NAPA: variants seen among roughly 807,000 people sequenced by gnomAD.
NAPA encodes alpha-soluble NSF attachment protein.
NAPA carries 18 observed loss-of-function variants against 48.0 expected under a neutral mutation model. That is an observed-to-expected ratio of 0.38 (90% CI 0.26 to 0.56). The LOEUF is 0.56. Among genes scored for constraint, NAPA ranks in the 20% least tolerant of loss-of-function variants. The pLI is 0.77. For synonymous variants in NAPA, 152 were observed against 149.9 expected (o/e 1.01, Z -0.10); for missense variants, 315 against 385.0 (o/e 0.82, Z 1.52).
intron 1 of NAPA, among the ~76,000 whole-genome samples, chr19:47,511,425 C>T (rs1419643307): frequency 4.6e-5 from 7 of 152,186 alleles, no homozygotes; most frequent in Non-Finnish European, 1.0e-4. Flanking sequence ...ACCAGGTCAG[C>T]TCCTCTGGGA....
downstream of NAPA, among the ~76,000 whole-genome samples, chr19:47,487,183 C>T (rs971372464): frequency 6.6e-5 from 10 of 152,192 alleles, 1 homozygote; most frequent in South Asian, 4.1e-4. Context: ...CCACCAAAGC[C>T]GCTTCCTCCC....
At chr19:47,514,286 C>T (rs916406706) in intron 1 of NAPA, among the ~76,000 whole-genome samples, 1 of 152,094 alleles carries the variant, frequency 6.6e-6, no homozygotes, top group Non-Finnish European at 1.5e-5. Flanking sequence ...GGTGTCAGCC[C>T]CCTTCAGCCT....
intron 10 of NAPA, chr19:47,489,445 G>C (rs1416814882): frequency 1.9e-6 from 1 of 534,948 alleles, no homozygotes; most frequent in Non-Finnish European, 3.4e-6. Flanking sequence ...ATGTGGCTCT[G>C]AACACCAGCT....
chr19:47,487,191 C>A (rs1968097008), downstream of NAPA, among the ~76,000 whole-genome samples: 1 of 152,200 alleles, frequency 6.6e-6, no homozygotes, highest in Non-Finnish European at 1.5e-5. Context: ...GCCGCTTCCT[C>A]CCCCGTCCTG....
intron 3 of NAPA, chr19:47,495,840 G>A (rs1293903226): frequency 2.2e-5 from 12 of 536,754 alleles, no homozygotes; most frequent in Non-Finnish European, 3.4e-5. Context: ...CATGCTTCTG[G>A]GGGAGCCCTT....
rs553713701 is a variant in NAPA at position 47,500,688 on chromosome 19, G to A, written c.240C>T (p.Asp80=). The change falls in exon 3 of 11, where the codon GAC becomes GAT. Residue 80 remains aspartate, a synonymous_variant. Transcript: ENST00000263354. ...CAGCGTCCACAAAGCAGGTGGCTGC[G>A]TCGTGCTTGCTCTGGAGCTGCAGGT... The part of the protein sequence containing the change: ...QLHLQLQSKH[D]AATCFVDAGN... The A allele has an allele frequency of 4.3e-6, 7 of 1,612,116 alleles. No homozygotes were observed. Among genetic ancestry groups the A allele is most frequent in the African/African-American group, 2.7e-5 (2 of 74,972 alleles).
rs753156453 is a variant in NAPA, at chr19:47,492,088, A to T, written c.593T>A (p.Leu198His). 1 of 1,614,078 alleles carries T rather than the reference A, an allele frequency of 6.2e-7. No homozygotes were observed. Among genetic ancestry groups the T allele is most frequent in the South Asian group, 1.1e-5 (1 of 91,086 alleles). The change falls in exon 8 of 11, where the codon CTC becomes CAC. Residue 198 changes from leucine to histidine, a missense_variant. Physicochemically the swap from Leu to His is moderately conservative, Grantham distance 99. Around this residue, in one of 3 missense-constraint regions of NAPA, gnomAD observed 137 missense variants for 150.1 expected, o/e 0.91. Transcript: ENST00000263354. ...VGTNAMDSPL[L>H]KYSAKDYFFK... The stretch of plus-strand genomic sequence containing the variant: ...GAAGTAGTCTTTGGCGCTGTACTTG[A>T]GGAGGGGGCTGTCCATGGCATTGGT...
downstream of NAPA, among the ~76,000 whole-genome samples, chr19:47,487,184 G>A (rs562457566): frequency 9.9e-5 from 15 of 152,130 alleles, no homozygotes; most frequent in Non-Finnish European, 2.1e-4. Flanking sequence ...CACCAAAGCC[G>A]CTTCCTCCCC....
chr19:47,487,003 C>T (rs182761815), downstream of NAPA, among the ~76,000 whole-genome samples: 80 of 152,342 alleles, frequency 5.3e-4, 1 homozygote, highest in Admixed American at 7.8e-4. Context: ...TCCTCTGTAG[C>T]GAGGGGCCCT....
Position 47,488,258 on chromosome 19 carries a change from G to A in NAPA, c.*30C>T. 6.3e-7 allele frequency: 1 copy of A among 1,583,568 alleles called. No individual in the cohort carries two copies. Among genetic ancestry groups the A allele is most frequent in the Non-Finnish European group, 8.7e-7 (1 of 1,155,758 alleles). On this transcript the variant is annotated 3_prime_UTR_variant, in exon 11 of 11. Coordinates refer to ENST00000263354, the MANE Select transcript of NAPA (RefSeq NM_003827.4). ...ACCTCTCTCTGAGCAGATGGGACAG[G>A]AAGACGGGCACTGGGGGGCTGGGTG...
Position 47,489,732 on chromosome 19 carries a change from A to G in NAPA, c.765T>C (p.Asn255=). The G allele has an allele frequency of 2.5e-6, 4 of 1,614,102 alleles. No homozygotes were observed. Among genetic ancestry groups the G allele is most frequent in the Non-Finnish European group, 3.4e-6 (4 of 1,180,010 alleles). ...TCACCGACTCGGTGTAGCTGTCCAC[A>G]TTCTGCTCCTCGTGGGCCTCTAGCA... is the stretch of plus-strand genomic sequence containing the variant. ...KKLLEAHEEQ[N]VDSYTESVKE... is the part of the protein sequence containing the mutation. The change falls in exon 10 of 11, where the codon AAT becomes AAC. Residue 255 remains asparagine (N), a synonymous_variant. Transcript: ENST00000263354.
chr19:47,499,794 G>A (rs1319253132), intron 3 of NAPA, among the ~76,000 whole-genome samples: 1 of 152,244 alleles, frequency 6.6e-6, no homozygotes, highest in East Asian at 1.9e-4. Flanking sequence ...TCCCTGCACT[G>A]CTGCAAACCT....
chr19:47,503,112 G>C (rs1374915557), intron 2 of NAPA, among the ~76,000 whole-genome samples: 1 of 152,252 alleles, frequency 6.6e-6, no homozygotes, highest in Non-Finnish European at 1.5e-5. Flanking sequence ...AAGCACTAAG[G>C]AAGTTACCAG....
intron 9 of NAPA, among the ~76,000 whole-genome samples, chr19:47,490,108 C>G (rs1176452239): frequency 3.2e-5 from 4 of 123,422 alleles, no homozygotes; most frequent in Non-Finnish European, 6.8e-5. Context: ...TGTAGGGGCA[C>G]GTGTGGTGTT....
chr19:47,514,737 C>A, intron 1 of NAPA, 106 bp downstream of exon 1: 1 of 1,076,270 alleles, frequency 9.3e-7, no homozygotes, highest in South Asian at 1.4e-5. Context: ...AGGTTCCTCT[C>A]CGTCCCCTCG....
At chr19:47,503,750 C>T (rs530026308) in intron 1 of NAPA, among the ~76,000 whole-genome samples, 8 of 152,174 alleles carry the variant, frequency 5.3e-5, no homozygotes, top group East Asian at 1.9e-4. Context: ...GGTAGTGGGG[C>T]GAAGAGTTCC....
At position 47,493,323 on chromosome 19, in the gene NAPA, G is replaced by T; in HGVS notation, c.420+93C>A. 6.6e-7 allele frequency: 1 copy of T among 1,519,502 alleles called. No homozygotes were observed. Among genetic ancestry groups the T allele is most frequent in the Non-Finnish European group, 9.1e-7 (1 of 1,101,492 alleles). 94.1% of individuals were successfully genotyped at this position (1,519,502 alleles called of 1,614,324 possible). On this transcript the variant is annotated intron_variant, in intron 5 of 10. Transcript: ENST00000263354. This position sits in a 1 kb window ranked among gnomAD's most constrained non-coding sequence, Gnocchi z 6.4. ...GCCGGCGCCCCATGCCCCCTTCTCG[G>T]CACTCAGACACCAGAGGACTCCCCT... is the stretch of plus-strand genomic sequence containing the variant.
chr19:47,515,050 T>A lies in NAPA; in HGVS notation c.-110A>T, dbSNP rs79012144. On this transcript the variant is annotated 5_prime_UTR_variant, in exon 1 of 11. Coordinates refer to ENST00000263354, the MANE Select transcript of NAPA (RefSeq NM_003827.4). ...TAAAACTCGCCCGGCTGCGTTGACG[T>A]CGCACCGGCGCGCGTCGCTTGCGGC... 4.4e-5 allele frequency: 50 copies of A among 1,123,606 alleles called. No homozygotes were observed. The highest frequency in any genetic ancestry group is 3.0e-4 in the African/African-American group (19 of 63,646). The allele number at this position is 1,123,606 out of a possible 1,614,324, so 69.6% of individuals were successfully genotyped here. A position where few individuals can be genotyped will look rare whatever the true frequency, so the allele number is the denominator to read the frequency against.
Position 47,489,696 on chromosome 19 carries a change from A to G in NAPA, c.786+15T>C. On this transcript the variant is annotated intron_variant, in intron 10 of 10. Coordinates refer to ENST00000263354, the MANE Select transcript of NAPA (RefSeq NM_003827.4). Reference sequence around the variant, plus strand: ...TCCCCGTGAAGGGGCCTGGCCCCCCATGCTGGCCACTCACCGACTCGGTGT... The same window carrying G: ...TCCCCGTGAAGGGGCCTGGCCCCCCGTGCTGGCCACTCACCGACTCGGTGT... 6.2e-7 allele frequency: 1 copy of G among 1,613,890 alleles called. No homozygotes were observed. Among genetic ancestry groups the G allele is most frequent in the Non-Finnish European group, 8.5e-7 (1 of 1,179,876 alleles).
Sources: gnomAD v4.1 joint callset for allele counts (sites outside exome capture counted in the v4.1 genomes callset) on GRCh38, gnomAD v4.1.1 for gene constraint, gnomAD v4.1.1 regional missense constraint, Gnocchi (gnomAD v3.1) non-coding constraint, MANE v1.5 for transcripts, NCBI Gene and HGNC (gene_info 2026-07-23, HGNC 2026-07-21) for gene names.